The following ADCYAP1R1 variants were observed in gnomAD, a reference collection of about 807,000 sequenced individuals.
ADCYAP1R1 encodes the protein pituitary adenylate cyclase-activating polypeptide type I receptor.
A neutral mutation model predicts 67.6 loss-of-function variants in ADCYAP1R1; 44 were observed. The ratio of observed to expected loss-of-function variants is 0.65; its 90% CI spans 0.51 to 0.84. The LOEUF is 0.84. ADCYAP1R1 is among the 40% of genes least tolerant of loss of function. ADCYAP1R1 has a pLI of 0.00. For missense variants in ADCYAP1R1, 477 were observed against 587.9 expected (o/e 0.81, Z 1.95); for synonymous variants, 222 against 219.6 (o/e 1.01, Z -0.10).
intron 12 of ADCYAP1R1, among the ~76,000 whole-genome samples, chr7:31,092,246 T>TTCTGGTTCCCCATATTTGATGAC (rs1795990831): frequency 6.6e-6 from 1 of 151,532 alleles, no homozygotes; most frequent in African/African-American, 2.4e-5. Context: ...TGGCTGTCCA[T>TTCTGGTTCCCCATATTTGATGAC]TCTGGTTCCC....
Position 31,092,673 on chromosome 7 carries a change from C to G in ADCYAP1R1, c.984C>G (p.Ile328Met). The change falls in exon 13 of 16, where the codon ATC (isoleucine) becomes ATG (methionine). Residue 328 changes from isoleucine (I) to methionine (M), a missense_variant. Physicochemically the swap from Ile to Met is conservative, Grantham distance 10. Coordinates refer to ENST00000304166, the MANE Select transcript of ADCYAP1R1 (RefSeq NM_001118.5). ...ACTTTGTGCTTTTTATTGGCATTAT[C>G]GTCATCCTTGTGCAGAAACTTCAGT... Reference protein sequence around the residue: ...MVNFVLFIGIIVILVQKLQSP... With the variant: ...MVNFVLFIGIMVILVQKLQSP... The G allele has an allele frequency of 1.9e-6, 3 of 1,609,776 alleles. No individual in the cohort carries two copies.
At chr7:31,080,581 C>T (rs772639277) in intron 4 of ADCYAP1R1, 32 bp from the exon 5 acceptor site, 6 of 1,610,928 alleles carry the variant, frequency 3.7e-6, no homozygotes, top group East Asian at 2.2e-5. Flanking sequence ...TCACCTCTGA[C>T]TTTTCTCTCT....
chr7:31,109,163 A>G lies in ADCYAP1R1; in HGVS notation c.*2479A>G, dbSNP rs376697300. ...TTCCTGAGCCTGGCCCTGCATCCTC[A>G]TAGAGGTGCCGGGTTCCTATTGGTT... On this transcript the variant is annotated 3_prime_UTR_variant, in exon 16 of 16. Transcript: ENST00000304166. 12 of 152,238 alleles carry G rather than the reference A, an allele frequency of 7.9e-5. No individual in the cohort carries two copies. The highest frequency in any genetic ancestry group is 1.7e-4 in the African/African-American group (7 of 41,456). The allele number at this position is 152,238 out of a possible 1,614,324, so 9.4% of individuals were successfully genotyped here.
chr7:31,055,760 G>A (rs564455354), intron 1 of ADCYAP1R1, among the ~76,000 whole-genome samples: 2 of 152,322 alleles, frequency 1.3e-5, no homozygotes, highest in East Asian at 3.9e-4. Flanking sequence ...CAAAGGGAGG[G>A]GCTTAGCTCT....
chr7:31,092,716 AAT>A lies in ADCYAP1R1; in HGVS notation c.1028_1029del (p.Asn343ArgfsTer42). ...QKLQSPDMGGNESSIYLRLAR... is the reference protein window; with the variant it reads ...QKLQSPDMGGXESSIYLRLAR... The stretch of plus-strand genomic sequence containing the variant: ...ACTTCAGTCTCCAGACATGGGAGGC[AAT>A]GAGTCCAGCATCTACTTGTAAGTAC... On this transcript the variant is annotated frameshift_variant, in exon 13 of 16. Coordinates refer to ENST00000304166, the MANE Select transcript of ADCYAP1R1 (RefSeq NM_001118.5). LOFTEE classifies it high-confidence loss of function. The A allele has an allele frequency of 1.2e-6, 2 of 1,612,826 alleles. No homozygotes were observed. The highest frequency in any genetic ancestry group is 1.7e-6 in the Non-Finnish European group (2 of 1,179,658).
intron 3 of ADCYAP1R1, among the ~76,000 whole-genome samples, chr7:31,077,265 T>TGTGTGATGTGTGATATATAA (rs1289737593): frequency 5.5e-4 from 84 of 152,132 alleles, no homozygotes; most frequent in Middle Eastern, 6.8e-3. Flanking sequence ...GTGTGATGTG[T>TGTGTGATGTGTGATATATAA]GTGTGGGTGT....
intron 14 of ADCYAP1R1, among the ~76,000 whole-genome samples, chr7:31,104,262 C>T (rs771027574): frequency 5.3e-5 from 8 of 152,196 alleles, no homozygotes; most frequent in South Asian, 2.1e-4. Flanking sequence ...CACCTTCAAA[C>T]GACAGCACAG....
chr7:31,070,715 G>A (rs572710336), intron 3 of ADCYAP1R1, among the ~76,000 whole-genome samples: 2 of 152,338 alleles, frequency 1.3e-5, no homozygotes, highest in East Asian at 1.9e-4. Context: ...ATCCAAACTT[G>A]TGTCTTCGTG....
Position 31,092,743 on chromosome 7 carries a change from C to T in ADCYAP1R1, c.1046+8C>T. ...TGAGTCCAGCATCTACTTGTAAGTA[C>T]CATTGTGTGGCTGCCACAGCCATTT... On this transcript the variant is annotated splice_region_variant and intron_variant, in intron 13 of 15. Coordinates refer to ENST00000304166, the MANE Select transcript of ADCYAP1R1 (RefSeq NM_001118.5). 1 of 1,601,020 alleles carries T rather than the reference C, an allele frequency of 6.2e-7. No individual in the cohort carries two copies. Among genetic ancestry groups the T allele is most frequent in the Non-Finnish European group, 8.5e-7 (1 of 1,172,982 alleles).
chr7:31,068,215 G>GCGCGCACA (rs35207713), intron 3 of ADCYAP1R1, among the ~76,000 whole-genome samples: 47 of 150,002 alleles, frequency 3.1e-4, no homozygotes, highest in Middle Eastern at 3.5e-3. Flanking sequence ...ATGTGCGCGC[G>GCGCGCACA]CACACACACA....
At chr7:31,066,654 A>G (rs1423511014) in intron 3 of ADCYAP1R1, among the ~76,000 whole-genome samples, 1 of 151,870 alleles carries the variant, frequency 6.6e-6, no homozygotes, top group Non-Finnish European at 1.5e-5. Flanking sequence ...AGAAAAACGT[A>G]CTCCAGCCAC....
At chr7:31,060,308 C>A (rs192507172) in intron 1 of ADCYAP1R1, among the ~76,000 whole-genome samples, 1 of 152,350 alleles carries the variant, frequency 6.6e-6, no homozygotes, top group East Asian at 1.9e-4. Flanking sequence ...CTTATTGCCT[C>A]TCTATAGCTG....
At chr7:31,093,820 C>A (rs1392096965) in intron 13 of ADCYAP1R1, among the ~76,000 whole-genome samples, 1 of 152,072 alleles carries the variant, frequency 6.6e-6, no homozygotes, top group African/African-American at 2.4e-5. Context: ...ACTGGCTGCC[C>A]AGTAGATGAC....
At chr7:31,076,808 A>G (rs1795245783) in intron 3 of ADCYAP1R1, among the ~76,000 whole-genome samples, 2 of 151,920 alleles carry the variant, frequency 1.3e-5, no homozygotes. Context: ...CTTAGGGCGG[A>G]TGGGGGGCCC....
At chr7:31,081,886 T>C (rs2302475) in intron 6 of ADCYAP1R1, 132 bp downstream of exon 6, 298,044 of 637,786 alleles carry the variant, frequency 0.47, 70,194 homozygotes, top group East Asian at 0.52. Flanking sequence ...CAGGTGACTT[T>C]TTTTCTCTGA....
intron 4 of ADCYAP1R1, among the ~76,000 whole-genome samples, chr7:31,079,705 C>G (rs933306861): frequency 6.6e-6 from 1 of 152,186 alleles, no homozygotes; most frequent in Non-Finnish European, 1.5e-5. Flanking sequence ...GGCTCCCACC[C>G]CAAGGTTTGT....
chr7:31,084,030 G>C, intron 6 of ADCYAP1R1, 111 bp from the exon 7 acceptor site: 1 of 831,210 alleles, frequency 1.2e-6, no homozygotes, highest in South Asian at 1.6e-5. Context: ...ATGCTTCCCA[G>C]TTGGTCATAG....
intron 13 of ADCYAP1R1, among the ~76,000 whole-genome samples, chr7:31,099,586 G>A (rs4723046): frequency 0.43 from 65,371 of 152,044 alleles, 16,933 homozygotes; most frequent in East Asian, 0.78. Context: ...GGAGGAAGCT[G>A]TGGACCAGAG....
intron 13 of ADCYAP1R1, among the ~76,000 whole-genome samples, chr7:31,095,262 A>G (rs1192207978): frequency 3.3e-5 from 5 of 151,748 alleles, no homozygotes; most frequent in Non-Finnish European, 7.3e-5. Flanking sequence ...ACGTGAATCC[A>G]GGAGGAAGGA....
Sources: allele counts gnomAD v4.1 joint callset (sites outside exome capture counted in the v4.1 genomes callset), GRCh38; gene constraint gnomAD v4.1.1; transcripts MANE v1.5; gene names NCBI Gene and HGNC (gene_info 2026-07-23, HGNC 2026-07-21).